The following OXR1 variants were observed in gnomAD, a reference collection of about 807,000 sequenced individuals.
OXR1 encodes oxidation resistance protein 1.
OXR1 carries 41 observed loss-of-function variants against 104.6 expected under a neutral mutation model. The observed-to-expected ratio is 0.39, with a 90% confidence interval of 0.31 to 0.51. The LOEUF (loss-of-function observed/expected upper bound fraction) is 0.51, where lower values mean the gene tolerates loss of function less well. OXR1 is among the 20% of genes least tolerant of loss of function. OXR1 has a pLI of 0.77. For missense variants in OXR1, 955 were observed against 1,031.9 expected, an observed-to-expected ratio of 0.93 and a Z score of 1.02; for synonymous variants, 348 against 348.4, an observed-to-expected ratio of 1.00 and a Z score of 0.01.
chr8:106,691,641 T>TATACAC (rs56831509), intron 6 of OXR1, among the ~76,000 whole-genome samples: 4 of 115,006 alleles, frequency 3.5e-5, no homozygotes, highest in East Asian at 5.1e-4. Context: ...TATATATATA[T>TATACAC]ACACACACAT....
intron 1 of OXR1, among the ~76,000 whole-genome samples, chr8:106,348,800 G>C (rs757360637): frequency 2.1e-4 from 32 of 152,106 alleles, no homozygotes; most frequent in Non-Finnish European, 2.8e-4. Context: ...CTTCAGCAGA[G>C]AGTGGAAACA....
At chr8:106,564,823 C>T (rs1816953916) in intron 3 of OXR1, among the ~76,000 whole-genome samples, 2 of 152,162 alleles carry the variant, frequency 1.3e-5, no homozygotes, top group African/African-American at 2.4e-5. Flanking sequence ...AAGGCTGGTT[C>T]AACATAAGCA....
At chr8:106,529,945 CT>C (rs776347650) in intron 3 of OXR1, among the ~76,000 whole-genome samples, 6 of 152,128 alleles carry the variant, frequency 3.9e-5, no homozygotes, top group Non-Finnish European at 8.8e-5. Context: ...TTGAAATTTC[CT>C]AAATCACTAT....
At chr8:106,406,135 T>C (rs1034080274) in intron 2 of OXR1, among the ~76,000 whole-genome samples, 3 of 152,260 alleles carry the variant, frequency 2.0e-5, no homozygotes, top group Middle Eastern at 3.4e-3. Context: ...AATCTTGTCA[T>C]AGGGTGGCTT....
chr8:106,524,899 G>A lies in OXR1; in HGVS notation c.220+5760G>A, dbSNP rs75655465. ...TCAGAGGGCCTTTATGGGCTCCATAGAGCAAGACACCCTCACCATCCTCCT... is the reference window on the plus strand; with the variant it reads ...TCAGAGGGCCTTTATGGGCTCCATAAAGCAAGACACCCTCACCATCCTCCT... On this transcript the variant is annotated intron_variant, in intron 3 of 16. Transcript: ENST00000517566. 4.0e-3 allele frequency among the ~76,000 whole-genome samples: 609 copies of A among 152,276 alleles called. 4 individuals carry two copies. The highest frequency in any genetic ancestry group is 0.014 in the African/African-American group (579 of 41,568).
At chr8:106,694,886 A>ATAT (rs2131310810) in intron 7 of OXR1, among the ~76,000 whole-genome samples, 1 of 134,716 alleles carries the variant, frequency 7.4e-6, no homozygotes, top group East Asian at 2.2e-4. Flanking sequence ...ATATATATTT[A>ATAT]ATAGATAAAT....
At chr8:106,432,138 C>T (rs1819385278) in intron 2 of OXR1, among the ~76,000 whole-genome samples, 1 of 152,180 alleles carries the variant, frequency 6.6e-6, no homozygotes. Context: ...TGCTACTTCC[C>T]TAGTGCATCC....
intron 2 of OXR1, among the ~76,000 whole-genome samples, chr8:106,500,204 A>G (rs907734384): frequency 6.6e-6 from 1 of 152,344 alleles, no homozygotes; most frequent in South Asian, 2.1e-4. Flanking sequence ...ACCCTCTCAT[A>G]TTATTTTATA....
intron 3 of OXR1, among the ~76,000 whole-genome samples, chr8:106,568,858 C>G (rs1817265302): frequency 6.6e-6 from 1 of 152,078 alleles, no homozygotes. Context: ...GGGAGAGCTA[C>G]TTTATATAAC....
At chr8:106,571,484 G>T (rs964911281) in intron 3 of OXR1, among the ~76,000 whole-genome samples, 40 of 152,216 alleles carry the variant, frequency 2.6e-4, no homozygotes, top group African/African-American at 9.6e-4. Context: ...TGCCCTGGGA[G>T]CTAGGGCTTC....
intron 3 of OXR1, among the ~76,000 whole-genome samples, chr8:106,634,577 T>C (rs1349223924): frequency 6.6e-6 from 1 of 152,150 alleles, no homozygotes; most frequent in Non-Finnish European, 1.5e-5. Flanking sequence ...AGCCCTCTTT[T>C]TAATGCTACA....
chr8:106,278,657 T>C (rs941564607), intron 1 of OXR1, among the ~76,000 whole-genome samples: 2 of 152,202 alleles, frequency 1.3e-5, no homozygotes, highest in African/African-American at 4.8e-5. Flanking sequence ...CTCTCATTTA[T>C]TTTTCACCCT....
chr8:106,720,521 C>T (rs1228979402), intron 11 of OXR1, among the ~76,000 whole-genome samples: 5 of 152,320 alleles, frequency 3.3e-5, no homozygotes. Context: ...ATATTCCTTT[C>T]ATCTGGGCTG....
intron 2 of OXR1, among the ~76,000 whole-genome samples, chr8:106,487,355 T>TA (rs1554581704): frequency 3.5e-4 from 53 of 149,974 alleles, no homozygotes; most frequent in Admixed American, 3.1e-3. Context: ...TTTTTTTTTT[T>TA]ATGCTGTTTA....
chr8:106,294,488 A>G (rs374725091), intron 1 of OXR1, among the ~76,000 whole-genome samples: 1 of 151,746 alleles, frequency 6.6e-6, no homozygotes, highest in East Asian at 1.9e-4. Context: ...TGCAGACTTT[A>G]TAGGAAGCAT....
chr8:106,633,440 A>G (rs1363940071), intron 3 of OXR1, among the ~76,000 whole-genome samples: 1 of 152,184 alleles, frequency 6.6e-6, no homozygotes, highest in African/African-American at 2.4e-5. Context: ...GCTCTTTGTC[A>G]ATTTTACCAT....
intron 1 of OXR1, among the ~76,000 whole-genome samples, chr8:106,282,402 T>G (rs1812326282): frequency 6.6e-6 from 1 of 152,190 alleles, no homozygotes; most frequent in Non-Finnish European, 1.5e-5. Context: ...CTGTTAGAAC[T>G]TTTTATTTCA....
intron 2 of OXR1, among the ~76,000 whole-genome samples, chr8:106,413,897 A>T (rs1252578228): frequency 6.6e-6 from 1 of 151,648 alleles, no homozygotes; most frequent in Admixed American, 6.6e-5. Flanking sequence ...CTAACTTTTT[A>T]AAATATTTTT....
chr8:106,740,986 T>C (rs565371691), intron 14 of OXR1, among the ~76,000 whole-genome samples: 3 of 152,196 alleles, frequency 2.0e-5, no homozygotes, highest in African/African-American at 7.2e-5. Flanking sequence ...AAAATAGCAA[T>C]ATTAGAACAA....
Sources: allele counts gnomAD v4.1 joint callset (sites outside exome capture counted in the v4.1 genomes callset), GRCh38; gene constraint gnomAD v4.1.1; transcripts MANE v1.5; gene names NCBI Gene and HGNC (gene_info 2026-07-23, HGNC 2026-07-21).